The following KHDRBS2 variants were observed in gnomAD, a reference collection of about 807,000 sequenced individuals.
KHDRBS2 encodes the protein KH domain-containing, RNA-binding, signal transduction-associated protein 2.
In KHDRBS2, 26 loss-of-function variants were observed where a neutral mutation model predicts 44.3. That is an observed-to-expected ratio of 0.59 (90% CI 0.43 to 0.81). The LOEUF is 0.81. Ranked by LOEUF, KHDRBS2 falls within the 40% of genes least tolerant of loss-of-function variation. KHDRBS2 has a pLI of 0.00. For missense variants in KHDRBS2, 476 were observed against 433.1 expected, an observed-to-expected ratio of 1.10 and a Z score of -0.88; for synonymous variants, 194 against 151.1, an observed-to-expected ratio of 1.28 and a Z score of -2.08.
intron 4 of KHDRBS2, among the ~76,000 whole-genome samples, chr6:61,970,602 A>G (rs1037187021): frequency 3.3e-5 from 5 of 152,174 alleles, no homozygotes; most frequent in African/African-American, 9.6e-5. Flanking sequence ...GAGTCCACTG[A>G]GCTAAAAGGA....
At chr6:62,031,833 A>AC (rs1376188871) in intron 3 of KHDRBS2, among the ~76,000 whole-genome samples, 1 of 152,034 alleles carries the variant, frequency 6.6e-6, no homozygotes, top group African/African-American at 2.4e-5. Context: ...AAGGACACAG[A>AC]CCTGGTGAGC....
chr6:61,850,979 C>T (rs1795324857), intron 6 of KHDRBS2, among the ~76,000 whole-genome samples: 1 of 152,030 alleles, frequency 6.6e-6, no homozygotes, highest in African/African-American at 2.4e-5. Context: ...GAAAACCTCC[C>T]CTGAATGACT....
At chr6:62,262,753 G>A (rs1838570998) in intron 1 of KHDRBS2, among the ~76,000 whole-genome samples, 1 of 151,446 alleles carries the variant, frequency 6.6e-6, no homozygotes. Flanking sequence ...AATTAGTATT[G>A]GCTAAATTAA....
At chr6:61,719,193 G>A (rs1209240912) in intron 7 of KHDRBS2, among the ~76,000 whole-genome samples, 4 of 152,046 alleles carry the variant, frequency 2.6e-5, no homozygotes, top group African/African-American at 9.7e-5. Flanking sequence ...ATTTTACATT[G>A]GAAGATTATA....
chr6:62,223,684 T>C (rs1188066653), intron 1 of KHDRBS2, among the ~76,000 whole-genome samples: 1 of 152,182 alleles, frequency 6.6e-6, no homozygotes, highest in Non-Finnish European at 1.5e-5. Flanking sequence ...TAGAAGTTTC[T>C]TCCACCAGAT....
intron 1 of KHDRBS2, among the ~76,000 whole-genome samples, chr6:62,239,445 C>T (rs2150165755): frequency 6.6e-6 from 1 of 152,098 alleles, no homozygotes; most frequent in South Asian, 2.1e-4. Flanking sequence ...TGGTGACACA[C>T]ACCTGTAATC....
chr6:62,070,870 G>C (rs1438121020), intron 2 of KHDRBS2, among the ~76,000 whole-genome samples: 1 of 152,138 alleles, frequency 6.6e-6, no homozygotes, highest in African/African-American at 2.4e-5. Context: ...TGGGATGGCT[G>C]GGTCAAATGG....
intron 1 of KHDRBS2, among the ~76,000 whole-genome samples, chr6:62,251,805 C>A (rs1167665163): frequency 4.0e-5 from 6 of 151,652 alleles, no homozygotes; most frequent in African/African-American, 1.5e-4. Context: ...TTGTTTCCTG[C>A]AGATATGCAA....
the KHDRBS2 span, among the ~76,000 whole-genome samples, chr6:61,656,630 A>G: frequency 1.3e-5 from 2 of 151,918 alleles, no homozygotes; most frequent in African/African-American, 2.4e-5. Flanking sequence ...AACATTCCCC[A>G]ATTTCTATGG....
the KHDRBS2 span, among the ~76,000 whole-genome samples, chr6:61,652,529 C>A: frequency 6.6e-6 from 1 of 151,888 alleles, no homozygotes; most frequent in Admixed American, 6.6e-5. Context: ...CAAATTATCA[C>A]AAGTGCTATG....
intron 3 of KHDRBS2, among the ~76,000 whole-genome samples, chr6:62,017,982 A>G (rs896252782): frequency 1.4e-4 from 21 of 151,920 alleles, no homozygotes; most frequent in African/African-American, 4.3e-4. Context: ...GATTCCATTA[A>G]TCATGTGCCA....
At chr6:61,792,832 C>A (rs1189459062) in intron 6 of KHDRBS2, among the ~76,000 whole-genome samples, 2 of 151,644 alleles carry the variant, frequency 1.3e-5, no homozygotes, top group African/African-American at 2.4e-5. Flanking sequence ...TCAGCCTTTC[C>A]CAAATTAATT....
At chr6:62,082,752 T>G (rs528614298) in intron 2 of KHDRBS2, among the ~76,000 whole-genome samples, 2 of 152,238 alleles carry the variant, frequency 1.3e-5, no homozygotes, top group Non-Finnish European at 2.9e-5. Flanking sequence ...ACAATAAAGC[T>G]GAAATCTAGA....
the KHDRBS2 span, among the ~76,000 whole-genome samples, chr6:61,571,067 T>A: frequency 6.6e-6 from 1 of 151,622 alleles, no homozygotes; most frequent in African/African-American, 2.4e-5. Flanking sequence ...GTACCTCACA[T>A]CTCAATACAA....
At chr6:61,956,632 A>T (rs1387117107) in intron 4 of KHDRBS2, among the ~76,000 whole-genome samples, 1 of 152,036 alleles carries the variant, frequency 6.6e-6, no homozygotes, top group African/African-American at 2.4e-5. Context: ...GGGGTTAATC[A>T]GTCTAGTGTT....
chr6:62,059,216 T>TTTTTG (rs1791084107), intron 2 of KHDRBS2, among the ~76,000 whole-genome samples: 3 of 127,750 alleles, frequency 2.3e-5, no homozygotes, highest in Non-Finnish European at 5.0e-5. Flanking sequence ...TTTTTTTTTT[T>TTTTTG]TTTTTTTTTT....
At chr6:61,944,092 T>C (rs893051103) in intron 4 of KHDRBS2, among the ~76,000 whole-genome samples, 62 of 152,184 alleles carry the variant, frequency 4.1e-4, no homozygotes, top group African/African-American at 1.4e-3. Context: ...ACAACCACTA[T>C]GGAAAACACT....
intron 2 of KHDRBS2, among the ~76,000 whole-genome samples, chr6:62,174,954 A>G (rs938896343): frequency 3.3e-5 from 5 of 151,768 alleles, no homozygotes; most frequent in African/African-American, 1.2e-4. Context: ...AAGTTTAGTG[A>G]TCATAATCTT....
At chr6:62,111,212 C>T (rs1804916282) in intron 2 of KHDRBS2, among the ~76,000 whole-genome samples, 2 of 152,030 alleles carry the variant, frequency 1.3e-5, no homozygotes, top group South Asian at 2.1e-4. Flanking sequence ...AATTTATGAA[C>T]ATTTTAAAAG....
Sources: gnomAD v4.1 joint callset for allele counts (sites outside exome capture counted in the v4.1 genomes callset) on GRCh38, gnomAD v4.1.1 for gene constraint, MANE v1.5 for transcripts, NCBI Gene and HGNC (gene_info 2026-07-23, HGNC 2026-07-21) for gene names.